The following IGSF21 variants were observed in gnomAD, a reference collection of about 807,000 sequenced individuals.
IGSF21 encodes immunoglobin superfamily member 21.
A neutral mutation model predicts 46.8 loss-of-function variants in IGSF21; 28 were observed. That is an observed-to-expected ratio of 0.60 (90% CI 0.44 to 0.82). The LOEUF (loss-of-function observed/expected upper bound fraction) is 0.82. Ranked by LOEUF, IGSF21 falls within the 40% of genes least tolerant of loss-of-function variation. IGSF21 has a pLI of 0.00. For missense variants in IGSF21, 624 were observed against 665.5 expected, an observed-to-expected ratio of 0.94 and a Z score of 0.69; for synonymous variants, 284 against 273.6, an observed-to-expected ratio of 1.04 and a Z score of -0.38.
chr1:18,371,540 C>T (rs1386362165), intron 6 of IGSF21, among the ~76,000 whole-genome samples: 1 of 150,276 alleles, frequency 6.7e-6, no homozygotes, highest in Non-Finnish European at 1.5e-5. Context: ...CCACTGCACT[C>T]CAGCCTAGGC....
At chr1:18,202,361 C>A (rs9659154) in intron 1 of IGSF21, among the ~76,000 whole-genome samples, 136 of 152,292 alleles carry the variant, frequency 8.9e-4, no homozygotes, top group Non-Finnish European at 1.2e-3. Context: ...TGGGTTACCA[C>A]CTTCATTACT....
In IGSF21 at chr1:18,205,151, G is replaced by A. The variant is rs527674054; in HGVS notation, c.71-22747G>A. On this transcript the variant is annotated intron_variant, in intron 1 of 9. Transcript: ENST00000251296. ...GAAAGATAAGAAGGGGAGAGAGAGA[G>A]AGAGAGAGAAAGAGAGAGGGAGAGG... Among the ~76,000 whole-genome samples, 540 of 105,202 alleles carry A rather than the reference G, an allele frequency of 5.1e-3. 2 individuals are homozygous for A. Among genetic ancestry groups the A allele is most frequent in the African/African-American group, 0.015 (478 of 32,774 alleles). 69.0% of individuals were successfully genotyped at this position (105,202 alleles called of 152,430 possible).
chr1:18,235,760 C>T (rs1212216742), intron 2 of IGSF21, among the ~76,000 whole-genome samples: 2 of 152,130 alleles, frequency 1.3e-5, no homozygotes, highest in East Asian at 3.9e-4. Flanking sequence ...AGAGAAGTAA[C>T]AGGGTCTGGT....
At chr1:18,158,088 C>T (rs973123124) in intron 1 of IGSF21, among the ~76,000 whole-genome samples, 3 of 152,176 alleles carry the variant, frequency 2.0e-5, no homozygotes, top group Admixed American at 6.5e-5. Context: ...TCCCTAAGGG[C>T]AAGCTCAGTG....
intron 2 of IGSF21, among the ~76,000 whole-genome samples, chr1:18,257,748 A>G (rs536294544): frequency 3.9e-4 from 59 of 152,342 alleles, no homozygotes; most frequent in African/African-American, 1.4e-3. Flanking sequence ...AGCCCAGAGC[A>G]CAGACATCTA....
intron 1 of IGSF21, among the ~76,000 whole-genome samples, chr1:18,219,908 T>C (rs2084491831): frequency 6.6e-6 from 1 of 152,214 alleles, no homozygotes; most frequent in Non-Finnish European, 1.5e-5. Flanking sequence ...CCTCATCTGC[T>C]GCAAGCTCCT....
In IGSF21 at chr1:18,108,028, A is replaced by T; in HGVS notation, c.-101A>T. 1 of 426,930 alleles carries T rather than the reference A, an allele frequency of 2.3e-6. No homozygotes were observed. Among genetic ancestry groups the T allele is most frequent in the Non-Finnish European group, 3.6e-6 (1 of 274,450 alleles). The allele number at this position is 426,930 out of a possible 1,614,324, so 26.4% of individuals were successfully genotyped here. A position where few individuals can be genotyped will look rare whatever the true frequency, so the allele number is the denominator to read the frequency against. On this transcript the variant is annotated 5_prime_UTR_variant, in exon 1 of 10. Coordinates refer to ENST00000251296, the MANE Select transcript of IGSF21 (RefSeq NM_032880.5). ...CGCGCTGCCCGCCACCGCCTCGGCC[A>T]GTGGCCGGAGGCAGGAGCGCGTCTG... is the stretch of plus-strand genomic sequence containing the variant.
At chr1:18,112,195 T>A (rs933187296) in intron 1 of IGSF21, 3 of 152,212 alleles carry the variant, frequency 2.0e-5, no homozygotes, top group Non-Finnish European at 4.4e-5. Flanking sequence ...CAGCCTGGCT[T>A]ACCACCTTGC....
At chr1:18,314,394 C>T (rs533428240) in intron 3 of IGSF21, among the ~76,000 whole-genome samples, 8 of 152,162 alleles carry the variant, frequency 5.3e-5, no homozygotes, top group African/African-American at 2.4e-5. Flanking sequence ...AGATTTGACT[C>T]ACTCCCCTGA....
At chr1:18,230,359 A>G (rs1419429395) in intron 2 of IGSF21, among the ~76,000 whole-genome samples, 1 of 152,182 alleles carries the variant, frequency 6.6e-6, no homozygotes, top group African/African-American at 2.4e-5. Context: ...AATCAGTGGC[A>G]TCTCTTACCA....
chr1:18,192,700 G>A (rs1037362831), intron 1 of IGSF21, among the ~76,000 whole-genome samples: 1 of 152,130 alleles, frequency 6.6e-6, no homozygotes, highest in Admixed American at 6.5e-5. Flanking sequence ...GGTTGGCATC[G>A]TTCCCCTGCA....
At chr1:18,175,997 C>G (rs867171790) in intron 1 of IGSF21, among the ~76,000 whole-genome samples, 3 of 152,198 alleles carry the variant, frequency 2.0e-5, no homozygotes, top group African/African-American at 7.2e-5. Context: ...CTGGGCATGC[C>G]GCTGGATGTG....
chr1:18,293,654 A>T (rs1319660488), intron 3 of IGSF21, among the ~76,000 whole-genome samples: 1 of 152,236 alleles, frequency 6.6e-6, no homozygotes, highest in East Asian at 1.9e-4. Context: ...AAAAGGAGAT[A>T]AAAATTCATT....
chr1:18,187,449 G>T (rs1366938570), intron 1 of IGSF21, among the ~76,000 whole-genome samples: 1 of 152,168 alleles, frequency 6.6e-6, no homozygotes, highest in Non-Finnish European at 1.5e-5. Context: ...AAGGTGAAAG[G>T]TACTTCTTAC....
chr1:18,203,519 G>A (rs2087097639), intron 1 of IGSF21, among the ~76,000 whole-genome samples: 1 of 152,188 alleles, frequency 6.6e-6, no homozygotes, highest in African/African-American at 2.4e-5. Flanking sequence ...ATGTTGGCCA[G>A]GTTGGCCTTG....
At chr1:18,141,748 G>A (rs1042420164) in intron 1 of IGSF21, among the ~76,000 whole-genome samples, 10 of 152,162 alleles carry the variant, frequency 6.6e-5, no homozygotes, top group Non-Finnish European at 1.0e-4. Flanking sequence ...CAAGTTATTA[G>A]ATGGACATAC....
intron 2 of IGSF21, among the ~76,000 whole-genome samples, chr1:18,231,692 G>A (rs2084627135): frequency 6.6e-6 from 1 of 152,164 alleles, no homozygotes; most frequent in Non-Finnish European, 1.5e-5. Context: ...ATAGCTGGTG[G>A]CCTCCATATT....
intron 3 of IGSF21, among the ~76,000 whole-genome samples, chr1:18,314,261 C>A (rs1032278054): frequency 6.6e-6 from 1 of 151,058 alleles, no homozygotes; most frequent in Non-Finnish European, 1.5e-5. Context: ...CTGCATCTGC[C>A]TTCCTCATAA....
At position 18,234,408 on chromosome 1, in the gene IGSF21, A is replaced by G. The variant is rs115518898; in HGVS notation, c.183+6398A>G. 7.3e-3 allele frequency among the ~76,000 whole-genome samples: 1,105 copies of G among 152,350 alleles called. 13 individuals are homozygous for G. Among genetic ancestry groups the G allele is most frequent in the African/African-American group, 0.026 (1,063 of 41,578 alleles). On this transcript the variant is annotated intron_variant, in intron 2 of 9. Transcript: ENST00000251296. ...CCACCAAACAATAGTTGATTTTACA[A>G]CAAATGTAATAACACATAAACAGGA...
Sources: allele counts gnomAD v4.1 joint callset (sites outside exome capture counted in the v4.1 genomes callset), GRCh38; gene constraint gnomAD v4.1.1; transcripts MANE v1.5; gene names NCBI Gene and HGNC (gene_info 2026-07-23, HGNC 2026-07-21).